The following KMT5B variants were observed in gnomAD, a reference collection of about 807,000 sequenced individuals.
KMT5B encodes the protein histone-lysine N-methyltransferase KMT5B.
A neutral mutation model predicts 83.2 loss-of-function variants in KMT5B; 10 were observed. The observed-to-expected ratio is 0.12, with a 90% CI of 0.07 to 0.20. The LOEUF (loss-of-function observed/expected upper bound fraction) is 0.20. Ranked by LOEUF, KMT5B falls within the 10% of genes least tolerant of loss-of-function variation. KMT5B has a pLI of 1.00. For missense variants in KMT5B, 753 were observed against 1,067.2 expected (o/e 0.71, Z 4.10); for synonymous variants, 349 against 388.8 (o/e 0.90, Z 1.20).
chr11:68,163,826 A>G (rs920938148), intron 10 of KMT5B, among the ~76,000 whole-genome samples: 7 of 152,184 alleles, frequency 4.6e-5, no homozygotes, highest in African/African-American at 1.7e-4. Flanking sequence ...TGTTCAGATC[A>G]ACTCTTGACA....
chr11:68,212,727 T>A (rs1394482719), intron 1 of KMT5B: 1 of 152,008 alleles, frequency 6.6e-6, no homozygotes, highest in Non-Finnish European at 1.5e-5. Context: ...GGCTCCGAAA[T>A]GCGCTCGGGC....
intron 10 of KMT5B, chr11:68,166,077 A>G: frequency 1.3e-6 from 2 of 1,528,144 alleles, no homozygotes; most frequent in Non-Finnish European, 1.8e-6. Flanking sequence ...AAGTGCCAAC[A>G]AAGGCATACT....
chr11:68,158,011 T>C lies in KMT5B; in HGVS notation c.2335A>G (p.Ile779Val). 1 of 1,614,176 alleles carries C rather than the reference T, an allele frequency of 6.2e-7. No individual in the cohort carries two copies. Among genetic ancestry groups the C allele is most frequent in the African/African-American group, 1.3e-5 (1 of 75,058 alleles). ...TTTTCCTCATCTCGTTTTAGCTGGA[T>C]TTTTAATTTTGTAGAACTACTGCCT... ...GSGSSSTKLK[I>V]QLKRDEENRG... is the part of the protein sequence containing the mutation. The change falls in exon 11 of 11, where the codon ATC (isoleucine) becomes GTC (valine). Residue 779 changes from isoleucine to valine, a missense_variant. Physicochemically the swap from Ile to Val is conservative, Grantham distance 29. Transcript: ENST00000304363.
In KMT5B at chr11:68,157,463, C is replaced by T; in HGVS notation, c.*225G>A. 1.9e-6 allele frequency: 1 copy of T among 534,252 alleles called. No individual in the cohort carries two copies. The highest frequency in any genetic ancestry group is 2.8e-6 in the Non-Finnish European group (1 of 356,358). The allele number at this position is 534,252 out of a possible 1,614,324, so 33.1% of individuals were successfully genotyped here. Reference sequence around the variant, plus strand: ...TTTATTTTACAACAGGGCTTTACCTCTAACTCAGAATTGCACGTAAGAAGG... The same window carrying T: ...TTTATTTTACAACAGGGCTTTACCTTTAACTCAGAATTGCACGTAAGAAGG... On this transcript the variant is annotated 3_prime_UTR_variant, in exon 11 of 11. Transcript: ENST00000304363.
chr11:68,177,775 T>G (rs915616048), intron 4 of KMT5B, among the ~76,000 whole-genome samples: 2 of 152,218 alleles, frequency 1.3e-5, no homozygotes, highest in African/African-American at 4.8e-5. Flanking sequence ...AACGTCTTAC[T>G]AGTCTGTCGA....
intron 10 of KMT5B, chr11:68,166,323 T>A: frequency 9.5e-7 from 1 of 1,055,118 alleles, no homozygotes; most frequent in Non-Finnish European, 1.1e-6. Flanking sequence ...TCTTTTTCAG[T>A]TTCCATCAGA....
In KMT5B at chr11:68,156,730, A is replaced by G. The variant is rs970830975; in HGVS notation, c.*958T>C. 4 of 152,766 alleles carry G rather than the reference A, an allele frequency of 2.6e-5. No individual in the cohort carries two copies. The highest frequency in any genetic ancestry group is 3.4e-3 in the Middle Eastern group (1 of 294). 9.5% of individuals were successfully genotyped at this position (152,766 alleles called of 1,614,324 possible). A position where few individuals can be genotyped will look rare whatever the true frequency, so the allele number is the denominator to read the frequency against. ...AACTTTTTTTATAGGTTACCACAGA[A>G]CAAAAGCTGTGACTCATGTTTTTAT... is the stretch of plus-strand genomic sequence containing the variant. On this transcript the variant is annotated 3_prime_UTR_variant, in exon 11 of 11. Coordinates refer to ENST00000304363, the MANE Select transcript of KMT5B (RefSeq NM_017635.5).
intron 10 of KMT5B, chr11:68,165,692 C>A: frequency 7.5e-7 from 1 of 1,338,184 alleles, no homozygotes; most frequent in East Asian, 2.9e-5. Flanking sequence ...CCAGTTTCAC[C>A]AAGGAACCAG....
At position 68,157,919 on chromosome 11, in the gene KMT5B, C is replaced by A; in HGVS notation, c.2427G>T (p.Leu809Phe). 1 of 1,614,054 alleles carries A rather than the reference C, an allele frequency of 6.2e-7. No individual in the cohort carries two copies. The highest frequency in any genetic ancestry group is 8.5e-7 in the Non-Finnish European group (1 of 1,179,960). Residue 809 changes from leucine (L) to phenylalanine (F), a missense_variant, in exon 11 of 11, where the codon TTG becomes TTT. By Grantham distance (22) the Leu-to-Phe change is conservative. Around this residue, in one of 9 missense-constraint regions of KMT5B, gnomAD observed 161 missense variants for 195.1 expected, o/e 0.83. Transcript: ENST00000304363. The stretch of plus-strand genomic sequence containing the variant: ...AGTCATCCACCTCCATTCGAGACTC[C>A]AAGAGAGAAAGAGGATCACTGCAGC... ...GVCCSDPLSL[L>F]ESRMEVDDYS...
At chr11:68,187,289 C>T (rs1323729320) in intron 2 of KMT5B, among the ~76,000 whole-genome samples, 5 of 152,186 alleles carry the variant, frequency 3.3e-5, no homozygotes, top group South Asian at 2.1e-4. Flanking sequence ...TGAGCCACCA[C>T]GCCCAGTCTT....
At chr11:68,185,965 G>A in intron 2 of KMT5B, 37 bp from the exon 3 acceptor site, 3 of 1,547,718 alleles carry the variant, frequency 1.9e-6, no homozygotes, top group Non-Finnish European at 2.6e-6. Context: ...TACTCAAATT[G>A]AAAACTACTT....
chr11:68,209,039 C>G (rs902183027), intron 1 of KMT5B, among the ~76,000 whole-genome samples: 1 of 152,112 alleles, frequency 6.6e-6, no homozygotes, highest in Non-Finnish European at 1.5e-5. Context: ...AAGGATCAAG[C>G]CCCCTTTTAC....
chr11:68,171,826 C>T lies in KMT5B; in HGVS notation c.654-117G>A, dbSNP rs1855862168. 30 of 819,134 alleles carry T rather than the reference C, an allele frequency of 3.7e-5. No individual in the cohort carries two copies. The South Asian group carries it at 5.3e-4, about 14-fold the overall frequency. The allele number at this position is 819,134 out of a possible 1,614,324, so 50.7% of individuals were successfully genotyped here. On this transcript the variant is annotated intron_variant, in intron 6 of 10. Coordinates refer to ENST00000304363, the MANE Select transcript of KMT5B (RefSeq NM_017635.5). This position sits in a 1 kb window ranked among gnomAD's most constrained non-coding sequence, Gnocchi z 5.1. ...AACTGAAAAGGCCTAGCTGTCTATA[C>T]TTTAGTTAGCTCACTGGGATCCCCA...
Position 68,156,535 on chromosome 11 carries a change from G to C in KMT5B, c.*1153C>G, listed in dbSNP as rs1428145370. On this transcript the variant is annotated 3_prime_UTR_variant, in exon 11 of 11. Transcript: ENST00000304363. ...AGCCAAGAACTCCCACTGATGCAGTGCTTAAAACTATATATTTATAATTTC... is the reference window on the plus strand; with the variant it reads ...AGCCAAGAACTCCCACTGATGCAGTCCTTAAAACTATATATTTATAATTTC... 1 of 152,556 alleles carries C rather than the reference G, an allele frequency of 6.6e-6. No individual in the cohort carries two copies. The highest frequency in any genetic ancestry group is 1.5e-5 in the Non-Finnish European group (1 of 68,014). The allele number at this position is 152,556 out of a possible 1,614,324, so 9.5% of individuals were successfully genotyped here.
At chr11:68,173,971 C>G in intron 5 of KMT5B, 58 bp from the exon 6 acceptor site, 1 of 1,215,174 alleles carries the variant, frequency 8.2e-7, no homozygotes, top group Non-Finnish European at 1.2e-6. Context: ...GCTAGACTTT[C>G]TTACAATTAT....
At chr11:68,182,839 C>T (rs1377105400) in intron 3 of KMT5B, among the ~76,000 whole-genome samples, 6 of 151,270 alleles carry the variant, frequency 4.0e-5, no homozygotes, top group Non-Finnish European at 7.4e-5. Context: ...CAGGTTCAAG[C>T]GATTCTCCTG....
At chr11:68,194,986 G>A (rs1858536284) in intron 1 of KMT5B, among the ~76,000 whole-genome samples, 1 of 152,082 alleles carries the variant, frequency 6.6e-6, no homozygotes, top group Admixed American at 6.5e-5. Flanking sequence ...ACCAGCCTGG[G>A]CAACACGGCA....
chr11:68,167,988 A>G (rs1855476514), intron 9 of KMT5B, among the ~76,000 whole-genome samples: 1 of 152,110 alleles, frequency 6.6e-6, no homozygotes, highest in Non-Finnish European at 1.5e-5. Context: ...CCTGGTGAAC[A>G]TGGTGAAACC....
At chr11:68,187,200 A>G (rs1857520691) in intron 2 of KMT5B, among the ~76,000 whole-genome samples, 1 of 151,850 alleles carries the variant, frequency 6.6e-6, no homozygotes, top group Non-Finnish European at 1.5e-5. Flanking sequence ...GTCTCGCCAT[A>G]TTGTCCAGGC....
Sources: allele counts gnomAD v4.1 joint callset (sites outside exome capture counted in the v4.1 genomes callset), GRCh38; gene constraint gnomAD v4.1.1; regional missense constraint gnomAD v4.1.1; non-coding constraint Gnocchi (gnomAD v3.1); transcripts MANE v1.5; gene names NCBI Gene and HGNC (gene_info 2026-07-23, HGNC 2026-07-21).